Variants in B3GALT1 observed in about 807,000 individuals in gnomAD.
The protein encoded by B3GALT1 is UDP-Gal:betaGlcNAc beta 1,3-galactosyltransferase, polypeptide 1.
Under a neutral mutation model 23.2 loss-of-function variants are expected in B3GALT1, and 10 were observed. The ratio of observed to expected loss-of-function variants is 0.43; its 90% CI spans 0.27 to 0.73. The LOEUF is 0.73. B3GALT1 is among the 30% of genes least tolerant of loss of function. B3GALT1 has a pLI of 0.21. For synonymous variants in B3GALT1, 156 were observed against 141.5 expected, an observed-to-expected ratio of 1.10 and a Z score of -0.73; for missense variants, 299 against 405.4, an observed-to-expected ratio of 0.74 and a Z score of 2.25.
chr2:167,774,436 T>G (rs573810301), intron 3 of B3GALT1, among the ~76,000 whole-genome samples: 1 of 151,964 alleles, frequency 6.6e-6, no homozygotes, highest in East Asian at 1.9e-4. Context: ...TAGTATCCTT[T>G]GCATACCTGC....
At chr2:167,519,123 GCAT>G (rs1433265524) in intron 2 of B3GALT1, among the ~76,000 whole-genome samples, 13 of 151,972 alleles carry the variant, frequency 8.6e-5, no homozygotes, top group Admixed American at 7.2e-4. Context: ...CTGGACAGTA[GCAT>G]CATCATTTTA....
intron 3 of B3GALT1, chr2:167,713,641 A>C: frequency 7.7e-7 from 1 of 1,305,692 alleles, no homozygotes. Flanking sequence ...CTTTTGAAGA[A>C]AGCAAAAATA....
intron 4 of B3GALT1, among the ~76,000 whole-genome samples, chr2:167,845,031 T>C (rs185509798): frequency 5.3e-4 from 81 of 152,110 alleles, no homozygotes; most frequent in African/African-American, 1.9e-3. Flanking sequence ...TCCTCTTAGG[T>C]AGACAACTCC....
intron 2 of B3GALT1, among the ~76,000 whole-genome samples, chr2:167,510,356 A>G (rs1174994061): frequency 3.4e-5 from 5 of 148,176 alleles, no homozygotes; most frequent in Admixed American, 6.7e-5. Context: ...TACATAATTT[A>G]TGTGATTTTT....
At chr2:167,389,732 G>A (rs544240635) in intron 1 of B3GALT1, among the ~76,000 whole-genome samples, 61 of 152,134 alleles carry the variant, frequency 4.0e-4, no homozygotes, top group African/African-American at 1.3e-3. Flanking sequence ...CAGAAAAAGA[G>A]GATGGCCAGG....
intron 2 of B3GALT1, among the ~76,000 whole-genome samples, chr2:167,524,861 T>G (rs1312746295): frequency 2.0e-5 from 3 of 152,206 alleles, no homozygotes; most frequent in African/African-American, 7.2e-5. Flanking sequence ...TTTAGAGACG[T>G]TTTCATATCA....
intron 2 of B3GALT1, among the ~76,000 whole-genome samples, chr2:167,573,508 G>A (rs1684333307): frequency 6.6e-6 from 1 of 151,498 alleles, no homozygotes; most frequent in East Asian, 1.9e-4. Context: ...ATGGCTTGTG[G>A]GAATTATGCT....
intron 3 of B3GALT1, among the ~76,000 whole-genome samples, chr2:167,761,984 C>G (rs1364080229): frequency 6.6e-6 from 1 of 152,140 alleles, no homozygotes; most frequent in Non-Finnish European, 1.5e-5. Context: ...ATTAGTCAAA[C>G]TAAGTTGGAA....
intron 1 of B3GALT1, among the ~76,000 whole-genome samples, chr2:167,435,421 A>C (rs959323061): frequency 7.3e-6 from 1 of 137,804 alleles, no homozygotes; most frequent in African/African-American, 3.0e-5. Context: ...GTGCTTTAGA[A>C]ACATATGCTT....
chr2:167,510,103 A>G (rs1364539138), intron 2 of B3GALT1, among the ~76,000 whole-genome samples: 1 of 152,156 alleles, frequency 6.6e-6, no homozygotes, highest in Non-Finnish European at 1.5e-5. Context: ...TATAGGTCTT[A>G]CCCAATATCA....
At position 167,869,819 on chromosome 2, in the gene B3GALT1, G is replaced by A; in HGVS notation, c.780G>A (p.Leu260=). The A allele has an allele frequency of 6.2e-7, 1 of 1,614,100 alleles. No homozygotes were observed. Among genetic ancestry groups the A allele is most frequent in the Non-Finnish European group, 8.5e-7 (1 of 1,179,998 alleles). Residue 260 remains leucine, a synonymous_variant, in exon 5 of 5, where the codon CTG becomes CTA. Coordinates refer to ENST00000392690, the MANE Select transcript of B3GALT1 (RefSeq NM_020981.4). The surrounding 1 kb of genome is among the most constrained non-coding windows in gnomAD (Gnocchi z 6.4). ...LIYKTSLHTR[L]LHLEDVYVGL... Reference sequence around the variant, plus strand: ...ACAAGACCTCACTCCACACAAGGCTGCTTCACCTTGAAGACGTATATGTGG... The same window carrying A: ...ACAAGACCTCACTCCACACAAGGCTACTTCACCTTGAAGACGTATATGTGG...
chr2:167,665,516 T>G (rs566486690), intron 3 of B3GALT1, among the ~76,000 whole-genome samples: 2 of 151,584 alleles, frequency 1.3e-5, no homozygotes, highest in Non-Finnish European at 2.9e-5. Flanking sequence ...TTCTATTGAT[T>G]GGAATAGTTT....
chr2:167,371,980 GAT>G (rs1167987067), intron 1 of B3GALT1, among the ~76,000 whole-genome samples: 1 of 151,248 alleles, frequency 6.6e-6, no homozygotes, highest in Non-Finnish European at 1.5e-5. Flanking sequence ...GTGGTTAAAA[GAT>G]ATGGTTAAAA....
chr2:167,408,239 A>G (rs372187763), intron 1 of B3GALT1, among the ~76,000 whole-genome samples: 1 of 152,234 alleles, frequency 6.6e-6, no homozygotes. Flanking sequence ...AATAAATGCA[A>G]TATATCACAT....
chr2:167,388,206 G>A (rs192306294), intron 1 of B3GALT1, among the ~76,000 whole-genome samples: 45 of 152,250 alleles, frequency 3.0e-4, no homozygotes, highest in African/African-American at 1.0e-3. Context: ...TCCCTTAAAG[G>A]GAGAATGAAT....
chr2:167,518,360 T>A (rs936021405), intron 2 of B3GALT1, among the ~76,000 whole-genome samples: 2 of 152,116 alleles, frequency 1.3e-5, no homozygotes, highest in African/African-American at 4.8e-5. Flanking sequence ...AGGCTCACAA[T>A]AATAGATATT....
intron 1 of B3GALT1, among the ~76,000 whole-genome samples, chr2:167,311,272 A>G (rs1227696808): frequency 2.6e-5 from 4 of 152,106 alleles, no homozygotes; most frequent in African/African-American, 9.7e-5. Flanking sequence ...AAGGATAGAT[A>G]TCCAGTTAAA....
At chr2:167,634,762 C>G (rs1476767954) in intron 2 of B3GALT1, among the ~76,000 whole-genome samples, 1 of 152,118 alleles carries the variant, frequency 6.6e-6, no homozygotes, top group Non-Finnish European at 1.5e-5. Flanking sequence ...CAGCCTAATT[C>G]TACCAAAGGT....
intron 3 of B3GALT1, chr2:167,713,594 C>G (rs1687096038): frequency 1.1e-6 from 1 of 897,444 alleles, no homozygotes; most frequent in African/African-American, 1.7e-5. Context: ...TAAGTAACAG[C>G]AGTTACTTAA....
Sources: allele counts gnomAD v4.1 joint callset (sites outside exome capture counted in the v4.1 genomes callset), GRCh38; gene constraint gnomAD v4.1.1; non-coding constraint Gnocchi (gnomAD v3.1); transcripts MANE v1.5; gene names NCBI Gene and HGNC (gene_info 2026-07-23, HGNC 2026-07-21).